The following ULK4 variants were observed in gnomAD, a reference collection of about 807,000 sequenced individuals.
The protein encoded by ULK4 is inactive serine/threonine-protein kinase ULK4.
A neutral mutation model predicts 160.6 loss-of-function variants in ULK4; 133 were observed. The ratio of observed to expected loss-of-function variants is 0.83; its 90% CI spans 0.72 to 0.96. The LOEUF is 0.96. ULK4 is among the 40% of genes least tolerant of loss of function. The pLI is 0.00. For synonymous variants in ULK4, 534 were observed against 539.8 expected, an observed-to-expected ratio of 0.99 and a Z score of 0.15; for missense variants, 1,580 against 1,499.5, an observed-to-expected ratio of 1.05 and a Z score of -0.89.
At chr3:41,301,919 T>C (rs1480157399) in intron 35 of ULK4, among the ~76,000 whole-genome samples, 1 of 152,212 alleles carries the variant, frequency 6.6e-6, no homozygotes, top group Admixed American at 6.5e-5. Context: ...TTTATATCGA[T>C]AAATTTAACA....
At chr3:41,449,873 C>T (rs954873776) in intron 34 of ULK4, among the ~76,000 whole-genome samples, 1 of 148,230 alleles carries the variant, frequency 6.7e-6, no homozygotes, top group Non-Finnish European at 1.5e-5. Flanking sequence ...ACAGCTTGGT[C>T]TCCCAGTTAT....
chr3:41,789,454 C>G (rs1331706275), intron 21 of ULK4, among the ~76,000 whole-genome samples: 3 of 152,104 alleles, frequency 2.0e-5, no homozygotes, highest in Non-Finnish European at 2.9e-5. Flanking sequence ...TAGGCAGAAG[C>G]CATTTAAAGA....
At chr3:41,849,883 T>C (rs1479509344) in intron 17 of ULK4, among the ~76,000 whole-genome samples, 2 of 152,202 alleles carry the variant, frequency 1.3e-5, no homozygotes, top group African/African-American at 2.4e-5. Context: ...TACATATGTA[T>C]ACATGTGACA....
chr3:41,351,500 G>A (rs930243937), intron 35 of ULK4, among the ~76,000 whole-genome samples: 1 of 152,194 alleles, frequency 6.6e-6, no homozygotes, highest in Admixed American at 6.5e-5. Flanking sequence ...CTGAAATACT[G>A]AAAATTAGAA....
chr3:41,562,453 C>T (rs147516241), intron 32 of ULK4, among the ~76,000 whole-genome samples: 15 of 152,238 alleles, frequency 9.9e-5, no homozygotes, highest in South Asian at 2.1e-4. Context: ...CTAGTATTGA[C>T]GGTAGAGTGT....
chr3:41,573,194 T>A (rs116728666), intron 31 of ULK4, among the ~76,000 whole-genome samples: 14 of 151,992 alleles, frequency 9.2e-5, no homozygotes, highest in Non-Finnish European at 1.8e-4. Flanking sequence ...ATGAAACAAC[T>A]TCATTAAAAT....
At chr3:41,490,238 T>G (rs1464417336) in intron 32 of ULK4, among the ~76,000 whole-genome samples, 1 of 152,192 alleles carries the variant, frequency 6.6e-6, no homozygotes, top group South Asian at 2.1e-4. Flanking sequence ...TTAACATCAT[T>G]GACATAATGT....
intron 32 of ULK4, among the ~76,000 whole-genome samples, chr3:41,561,807 A>T (rs1299137145): frequency 6.6e-6 from 1 of 152,038 alleles, no homozygotes; most frequent in Non-Finnish European, 1.5e-5. Flanking sequence ...TTTTGAAAAA[A>T]CCAGCTCCTG....
At chr3:41,678,071 A>T (rs1287257357) in intron 29 of ULK4, among the ~76,000 whole-genome samples, 1 of 152,008 alleles carries the variant, frequency 6.6e-6, no homozygotes, top group Non-Finnish European at 1.5e-5. Flanking sequence ...CAGCAACTAC[A>T]CCATCACAGG....
At chr3:41,443,281 A>G (rs1274395243) in intron 34 of ULK4, among the ~76,000 whole-genome samples, 1 of 152,134 alleles carries the variant, frequency 6.6e-6, no homozygotes, top group Non-Finnish European at 1.5e-5. Flanking sequence ...CACTTCCCAC[A>G]TTATCATTTT....
intron 27 of ULK4, among the ~76,000 whole-genome samples, chr3:41,684,871 T>A (rs910229537): frequency 2.9e-4 from 44 of 152,212 alleles, no homozygotes; most frequent in African/African-American, 1.0e-3. Flanking sequence ...AGGTTTAAAT[T>A]AAAAGAAGGA....
chr3:41,912,684 C>G, intron 9 of ULK4, 123 bp downstream of exon 9: 1 of 777,916 alleles, frequency 1.3e-6, no homozygotes, highest in Non-Finnish European at 2.0e-6. Context: ...ATTAAACAAA[C>G]GCTGGATTTT....
chr3:41,438,019 A>G (rs1642795994), intron 34 of ULK4, among the ~76,000 whole-genome samples: 2 of 152,118 alleles, frequency 1.3e-5, no homozygotes, highest in South Asian at 2.1e-4. Context: ...TGGAGAGCTG[A>G]AAGTCAGGAC....
At chr3:41,354,197 G>C (rs1312492822) in intron 35 of ULK4, among the ~76,000 whole-genome samples, 2 of 152,184 alleles carry the variant, frequency 1.3e-5, no homozygotes, top group Non-Finnish European at 2.9e-5. Flanking sequence ...GTAAGAGGGT[G>C]ACTATCCTTG....
chr3:41,896,742 T>C (rs1378834753), intron 15 of ULK4, 80 bp downstream of exon 15: 8 of 1,447,748 alleles, frequency 5.5e-6, no homozygotes, highest in Non-Finnish European at 7.4e-6. Context: ...GGTAGTTAAA[T>C]CAAATTGTTA....
chr3:41,704,711 C>T (rs2036808770), intron 27 of ULK4, among the ~76,000 whole-genome samples: 1 of 152,068 alleles, frequency 6.6e-6, no homozygotes, highest in Non-Finnish European at 1.5e-5. Context: ...CACGGGACAG[C>T]CCCATAACAA....
chr3:41,577,710 G>A (rs1575440387), intron 31 of ULK4, among the ~76,000 whole-genome samples: 1 of 151,794 alleles, frequency 6.6e-6, no homozygotes, highest in South Asian at 2.1e-4. Context: ...TAAAGACAAA[G>A]AAATTGAATC....
At chr3:41,600,956 G>A (rs923254274) in intron 31 of ULK4, among the ~76,000 whole-genome samples, 16 of 152,110 alleles carry the variant, frequency 1.1e-4, no homozygotes, top group African/African-American at 3.4e-4. Flanking sequence ...TTTTACACAA[G>A]AAAAATTGAT....
intron 30 of ULK4, among the ~76,000 whole-genome samples, chr3:41,627,938 T>C (rs1046913175): frequency 1.3e-5 from 2 of 152,114 alleles, no homozygotes; most frequent in African/African-American, 4.8e-5. Flanking sequence ...AAAAGGTCAG[T>C]GTGACAGATG....
Sources: gnomAD v4.1 joint callset for allele counts (sites outside exome capture counted in the v4.1 genomes callset) on GRCh38, gnomAD v4.1.1 for gene constraint, MANE v1.5 for transcripts, NCBI Gene and HGNC (gene_info 2026-07-23, HGNC 2026-07-21) for gene names.